Variants in TMEM255A observed in about 807,000 individuals in gnomAD.
TMEM255A encodes family with sequence similarity 70, member A.
Under a neutral mutation model 23.5 loss-of-function variants are expected in TMEM255A, and 14 were observed. The ratio of observed to expected loss-of-function variants is 0.60; its 90% CI spans 0.39 to 0.93. The LOEUF is 0.93. TMEM255A is among the 40% of genes least tolerant of loss of function. The pLI, the probability that TMEM255A is intolerant of heterozygous loss-of-function variation, is 0.00. For synonymous variants in TMEM255A, 104 were observed against 100.3 expected (o/e 1.04, Z -0.22); for missense variants, 233 against 261.7 (o/e 0.89, Z 0.76).
In TMEM255A at chrX:120,275,784, A is replaced by ATTTTTTTTTTTTTTTT. The variant is rs11342181; in HGVS notation, c.675+1085_675+1100dup. Among the ~76,000 whole-genome samples the ATTTTTTTTTTTTTTTT allele has an allele frequency of 3.3e-3, 197 of 60,250 alleles. 10 individuals carry two copies. Among genetic ancestry groups the ATTTTTTTTTTTTTTTT allele is most frequent in the East Asian group, 4.8e-3 (6 of 1,253 alleles). The allele number at this position is 60,250 out of a possible 115,157, so 52.3% of individuals were successfully genotyped here. ...GAATCTTTAGAGAAGGAGCCCAAGC[A>ATTTTTTTTTTTTTTTT]TTTTTTTTTTTTTTTTTTTTTTTTT... On this transcript the variant is annotated intron_variant, in intron 7 of 8. Coordinates refer to ENST00000371369, the MANE Select transcript of TMEM255A (RefSeq NM_001104544.3).
chrX:120,293,335 A>G (rs893131766), intron 3 of TMEM255A, among the ~76,000 whole-genome samples: 15 of 113,085 alleles, frequency 1.3e-4, no homozygotes, highest in Non-Finnish European at 2.6e-4. Context: ...CCAGGAAAGT[A>G]TAACAGCTTG....
At chrX:120,253,490 A>G in the TMEM255A span, 11 of 1,210,395 alleles carry the variant, frequency 9.1e-6, no homozygotes, top group South Asian at 1.1e-4. Flanking sequence ...TGAATGAGCA[A>G]CGTGGCCATG....
chrX:120,268,336 C>G lies in TMEM255A; in HGVS notation c.727G>C (p.Val243Leu). ...ACTTGGGGATGAGCATAGTAAGAAA[C>G]TGTTGGATGGGTATTTTCAACAGAA... is the stretch of plus-strand genomic sequence containing the variant. ...NCSVENTHPT[V>L]SYYAHPQVAS... The change falls in exon 8 of 9, where the codon GTT becomes CTT. Residue 243 changes from valine to leucine, a missense_variant. Coordinates refer to ENST00000371369, the MANE Select transcript of TMEM255A (RefSeq NM_001104544.3). The G allele has an allele frequency of 8.3e-7, 1 of 1,210,905 alleles. No homozygotes were observed.
At chrX:120,267,502 G>A (rs782288110) in intron 8 of TMEM255A, among the ~76,000 whole-genome samples, 5 of 112,056 alleles carry the variant, frequency 4.5e-5, no homozygotes, top group Admixed American at 9.4e-5. Flanking sequence ...GTTTATAATC[G>A]TTATACATAC....
chrX:120,297,868 G>A (rs1174139164), intron 2 of TMEM255A, among the ~76,000 whole-genome samples: 1 of 110,764 alleles, frequency 9.0e-6, no homozygotes. Context: ...TCTTATTTGC[G>A]GAAGAGCTGA....
At chrX:120,301,656 G>T (rs1211872356) in intron 2 of TMEM255A, among the ~76,000 whole-genome samples, 5 of 107,866 alleles carry the variant, frequency 4.6e-5, no homozygotes, top group Non-Finnish European at 9.6e-5. Flanking sequence ...TTTATGAAAA[G>T]AAAATTCAGA....
chrX:120,269,872 T>C (rs1174707203), intron 7 of TMEM255A, among the ~76,000 whole-genome samples: 1 of 111,889 alleles, frequency 8.9e-6, no homozygotes, highest in Non-Finnish European at 1.9e-5. Flanking sequence ...ACCCTCCAGC[T>C]CTCGCAAAAT....
At chrX:120,254,805 C>T (rs782309844), downstream of TMEM255A, 1 of 1,211,562 alleles carries the variant, frequency 8.3e-7, no homozygotes, top group South Asian at 1.8e-5. Context: ...GAATGAAATA[C>T]CAAAAACGTC....
intron 5 of TMEM255A, among the ~76,000 whole-genome samples, chrX:120,286,696 C>A (rs184767018): frequency 8.9e-6 from 1 of 111,935 alleles, no homozygotes; most frequent in Non-Finnish European, 1.9e-5. Flanking sequence ...TCTCAGTTAC[C>A]CTCATTTGGC....
chrX:120,271,255 T>C (rs1556018725), intron 7 of TMEM255A, among the ~76,000 whole-genome samples: 1 of 112,025 alleles, frequency 8.9e-6, no homozygotes, highest in African/African-American at 3.2e-5. Context: ...ACCCAAATGT[T>C]AGTCAGGGGC....
downstream of TMEM255A, chrX:120,257,939 C>G (rs1236756459): frequency 8.1e-6 from 1 of 122,885 alleles, no homozygotes; most frequent in African/African-American, 3.3e-5. Flanking sequence ...TGGATAGGAA[C>G]TACTTGAAAT....
At chrX:120,303,855 T>A (rs782682745) in intron 2 of TMEM255A, among the ~76,000 whole-genome samples, 1 of 111,752 alleles carries the variant, frequency 8.9e-6, no homozygotes, top group Non-Finnish European at 1.9e-5. Context: ...TGTATATATA[T>A]AATTTATAAG....
At chrX:120,304,736 G>A (rs2058053752) in intron 1 of TMEM255A, among the ~76,000 whole-genome samples, 1 of 111,432 alleles carries the variant, frequency 9.0e-6, no homozygotes. Flanking sequence ...AATTTCACCA[G>A]TTACGTAAAA....
At chrX:120,255,269 G>A (rs2057630678), downstream of TMEM255A, 2 of 1,211,718 alleles carry the variant, frequency 1.7e-6, no homozygotes, top group African/African-American at 3.5e-5. Context: ...TTGGGTATAA[G>A]GTTGACACTG....
At chrX:120,296,667 AAT>A (rs1322043694) in intron 2 of TMEM255A, among the ~76,000 whole-genome samples, 3 of 64,839 alleles carry the variant, frequency 4.6e-5, no homozygotes, top group Non-Finnish European at 7.8e-5. Flanking sequence ...ATTATAATAT[AAT>A]ATATATTATA....
At chrX:120,271,925 A>G (rs978608905) in intron 7 of TMEM255A, among the ~76,000 whole-genome samples, 4 of 112,672 alleles carry the variant, frequency 3.6e-5, no homozygotes, top group Admixed American at 9.3e-5. Context: ...AAGTGAAAAG[A>G]CAACTCACAG....
At position 120,268,306 on chromosome X, in the gene TMEM255A, A is replaced by G. The variant is rs199725322; in HGVS notation, c.757T>C (p.Ser253Pro). 7.2e-5 allele frequency: 87 copies of G among 1,207,990 alleles called. No homozygotes were observed. Among genetic ancestry groups the G allele is most frequent in the Non-Finnish European group, 9.5e-5 (85 of 893,504 alleles). Residue 253 changes from serine to proline, a missense_variant, in exon 8 of 9, where the codon TCC (serine) becomes CCC (proline). Transcript: ENST00000371369. ...GGGCTATGGTAGTAGGTATTGTAGG[A>G]TGCCACTTGGGGATGAGCATAGTAA... The part of the protein sequence containing the change: ...VSYYAHPQVA[S>P]YNTYYHSPPH...
intron 6 of TMEM255A, among the ~76,000 whole-genome samples, chrX:120,280,619 C>CT (rs1414961899): frequency 9.0e-6 from 1 of 111,002 alleles, no homozygotes; most frequent in East Asian, 2.8e-4. Flanking sequence ...TAAGGCTGTC[C>CT]TGCCAGACCC....
At chrX:120,296,736 T>TA (rs1374552314) in intron 2 of TMEM255A, among the ~76,000 whole-genome samples, 1 of 38,298 alleles carries the variant, frequency 2.6e-5, no homozygotes, top group East Asian at 1.1e-3. Context: ...ATTAAATATA[T>TA]TATATTATAT....
Sources: allele counts gnomAD v4.1 joint callset (sites outside exome capture counted in the v4.1 genomes callset), GRCh38; gene constraint gnomAD v4.1.1; transcripts MANE v1.5; gene names NCBI Gene and HGNC (gene_info 2026-07-23, HGNC 2026-07-21).